PAPLN: variants seen among roughly 807,000 people sequenced by gnomAD.
PAPLN encodes papilin.
A neutral mutation model predicts 159.0 loss-of-function variants in PAPLN; 146 were observed. The observed-to-expected ratio is 0.92, with a 90% CI of 0.80 to 1.05. PAPLN has a LOEUF of 1.05. Ranked by LOEUF, PAPLN falls within the 50% of genes least tolerant of loss-of-function variation. PAPLN has a pLI of 0.00. For synonymous variants in PAPLN, 734 were observed against 702.9 expected, an observed-to-expected ratio of 1.04 and a Z score of -0.70; for missense variants, 1,720 against 1,743.9, an observed-to-expected ratio of 0.99 and a Z score of 0.24.
At position 73,259,006 on chromosome 14, in the gene PAPLN, C is replaced by A. The variant is rs769880356; in HGVS notation, c.1655C>A (p.Thr552Asn). 1 of 1,612,742 alleles carries A rather than the reference C, an allele frequency of 6.2e-7. No homozygotes were observed. The highest frequency in any genetic ancestry group is 1.1e-5 in the South Asian group (1 of 90,884). The part of the protein sequence containing the change: ...QEVPSMQDVH[T>N]PASNPWMPLG... ...GTCCCCAGCATGCAGGATGTGCACA[C>A]CCCTGCCAGCAACCCCTGGATGCCG... is the stretch of plus-strand genomic sequence containing the variant. Residue 552 changes from threonine (T) to asparagine (N), a missense_variant, in exon 15 of 27, where the codon ACC (threonine) becomes AAC (asparagine). By Grantham distance (65) the Thr-to-Asn change is moderately conservative. Transcript: ENST00000644200.
Position 73,259,359 on chromosome 14 carries a change from G to A in PAPLN, c.1799G>A (p.Gly600Asp), listed in dbSNP as rs373353961. ...CGAGGTGACCCCAGGGGCGACCAAG[G>A]CACCCACCTGTCAGCCCTGGGCCCC... is the stretch of plus-strand genomic sequence containing the variant. ...GERGDPRGDQGTHLSALGPAP... is the reference protein window; with the variant it reads ...GERGDPRGDQDTHLSALGPAP... Residue 600 changes from glycine (G) to aspartate (D), a missense_variant, in exon 16 of 27, where the codon GGC becomes GAC. Coordinates refer to ENST00000644200, the MANE Select transcript of PAPLN (RefSeq NM_001365906.3). 1.9e-6 allele frequency: 3 copies of A among 1,611,826 alleles called. No individual in the cohort carries two copies. In the African/African-American group the frequency reaches 4.0e-5, roughly 22 times the overall value.
intron 25 of PAPLN, among the ~76,000 whole-genome samples, chr14:73,267,078 G>C (rs995782757): frequency 2.0e-5 from 3 of 152,172 alleles, no homozygotes; most frequent in African/African-American, 4.8e-5. Context: ...TTTGGAGCTG[G>C]TAAGTTTTGG....
At position 73,245,311 on chromosome 14, in the gene PAPLN, C is replaced by T; in HGVS notation, c.171-325C>T. ...CCTTATACTGATGTCCTGCTTAGAT[C>T]GCAGGATGGCTGTGCCAAGCGGGTG... is the stretch of plus-strand genomic sequence containing the variant. On this transcript the variant is annotated intron_variant, in intron 3 of 26. Transcript: ENST00000644200. The surrounding 1 kb of genome is among the most constrained non-coding windows in gnomAD (Gnocchi z 4.2). 2.8e-6 allele frequency: 1 copy of T among 355,014 alleles called. No homozygotes were observed. Among genetic ancestry groups the T allele is most frequent in the Non-Finnish European group, 5.3e-6 (1 of 189,210 alleles). The allele number at this position is 355,014 out of a possible 1,614,324, so 22.0% of individuals were successfully genotyped here. A position where few individuals can be genotyped will look rare whatever the true frequency, so the allele number is the denominator to read the frequency against.
intron 2 of PAPLN, among the ~76,000 whole-genome samples, chr14:73,241,052 C>T (rs544687451): frequency 3.9e-5 from 6 of 152,156 alleles, no homozygotes; most frequent in Non-Finnish European, 5.9e-5. Context: ...TGGGCGGAGG[C>T]TGAGCAGGAC....
At chr14:73,256,532 CAAAAA>C (rs57667060) in intron 14 of PAPLN, among the ~76,000 whole-genome samples, 2 of 92,754 alleles carry the variant, frequency 2.2e-5, no homozygotes, top group Non-Finnish European at 4.2e-5. Context: ...GACTCTGTCT[CAAAAA>C]AAAAAAAAAA....
chr14:73,263,896 C>T, intron 20 of PAPLN, 114 bp downstream of exon 20: 1 of 1,279,806 alleles, frequency 7.8e-7, no homozygotes, highest in Non-Finnish European at 1.1e-6. Flanking sequence ...AGACCCCCTC[C>T]TCCTTTGACA....
chr14:73,245,972 G>A lies in PAPLN; in HGVS notation c.232-101G>A. The A allele has an allele frequency of 9.7e-6, 12 of 1,236,210 alleles. No homozygotes were observed. The highest frequency in any genetic ancestry group is 1.3e-5 in the Non-Finnish European group (12 of 918,066). The allele number at this position is 1,236,210 out of a possible 1,614,324, so 76.6% of individuals were successfully genotyped here. A position where few individuals can be genotyped will look rare whatever the true frequency, so the allele number is the denominator to read the frequency against. On this transcript the variant is annotated intron_variant, in intron 4 of 26. Transcript: ENST00000644200. This position sits in a 1 kb window ranked among gnomAD's most constrained non-coding sequence, Gnocchi z 4.2. ...CACCTCCGGCGGCTCCGATGGGGCA[G>A]GCAAGGGAGACTCCTGGGCTCCCTG...
At position 73,272,961 on chromosome 14, in the gene PAPLN, C is replaced by A. The variant is rs1384529434; in HGVS notation, c.*297C>A. On this transcript the variant is annotated 3_prime_UTR_variant, in exon 27 of 27. Coordinates refer to ENST00000644200, the MANE Select transcript of PAPLN (RefSeq NM_001365906.3). Reference sequence around the variant, plus strand: ...TACAGCTTCCCTTTATAATTTGTTACACAGGAATAGTTAAATGCATTTGTT... The same window carrying A: ...TACAGCTTCCCTTTATAATTTGTTAAACAGGAATAGTTAAATGCATTTGTT... 5 of 258,402 alleles carry A rather than the reference C, an allele frequency of 1.9e-5. No individual in the cohort carries two copies. Among genetic ancestry groups the A allele is most frequent in the South Asian group, 3.2e-4 (2 of 6,198 alleles). 16.0% of individuals were successfully genotyped at this position (258,402 alleles called of 1,614,324 possible).
chr14:73,273,973 C>G lies in PAPLN; in HGVS notation c.*1309C>G, dbSNP rs1056254457. On this transcript the variant is annotated 3_prime_UTR_variant, in exon 27 of 27. Coordinates refer to ENST00000644200, the MANE Select transcript of PAPLN (RefSeq NM_001365906.3). ...TTGGACCTTGAAGCCCTCCTGAGGC[C>G]AACATGCAAATCTGGCTGTGACGGT... 6 of 152,172 alleles carry G rather than the reference C, an allele frequency of 3.9e-5. No individual in the cohort carries two copies. The highest frequency in any genetic ancestry group is 3.3e-4 in the Admixed American group (5 of 15,268). The allele number at this position is 152,172 out of a possible 1,614,324, so 9.4% of individuals were successfully genotyped here. A position where few individuals can be genotyped will look rare whatever the true frequency, so the allele number is the denominator to read the frequency against.
intron 19 of PAPLN, chr14:73,263,280 G>A (rs1002492986): frequency 8.0e-5 from 30 of 374,952 alleles, no homozygotes; most frequent in East Asian, 2.3e-4. Flanking sequence ...GATTTGGGAA[G>A]GTTAAAAACA....
Position 73,259,651 on chromosome 14 carries a change from A to C in PAPLN, c.1985+106A>C, listed in dbSNP as rs555479266. On this transcript the variant is annotated intron_variant, in intron 16 of 26. Coordinates refer to ENST00000644200, the MANE Select transcript of PAPLN (RefSeq NM_001365906.3). ...CAGAAGAGGGCTGGGGTGGGTGTGCAGAGCTCAGGAATAGGATGCCCAAGC... is the reference window on the plus strand; with the variant it reads ...CAGAAGAGGGCTGGGGTGGGTGTGCCGAGCTCAGGAATAGGATGCCCAAGC... 5.2e-6 allele frequency: 7 copies of C among 1,338,198 alleles called. No individual in the cohort carries two copies. In the East Asian group the frequency reaches 1.7e-4, roughly 33 times the overall value. The allele number at this position is 1,338,198 out of a possible 1,614,324, so 82.9% of individuals were successfully genotyped here. A position where few individuals can be genotyped will look rare whatever the true frequency, so the allele number is the denominator to read the frequency against.
chr14:73,260,129 A>G (rs1400532805), intron 16 of PAPLN, among the ~76,000 whole-genome samples: 1 of 152,138 alleles, frequency 6.6e-6, no homozygotes, highest in Non-Finnish European at 1.5e-5. Flanking sequence ...GTGCTGGGTG[A>G]CTTGGGCCAC....
At position 73,268,730 on chromosome 14, in the gene PAPLN, A is replaced by T; in HGVS notation, c.3667+7A>T. 2 of 1,606,192 alleles carry T rather than the reference A, an allele frequency of 1.2e-6. No individual in the cohort carries two copies. The highest frequency in any genetic ancestry group is 1.7e-6 in the Non-Finnish European group (2 of 1,176,178). ...GTGAAGGTGGTCTCACCAGGTAGGA[A>T]AGGTCTATATCCGGGGATGGGAAGG... is the stretch of plus-strand genomic sequence containing the variant. On this transcript the variant is annotated splice_region_variant and intron_variant, in intron 26 of 26. Coordinates refer to ENST00000644200, the MANE Select transcript of PAPLN (RefSeq NM_001365906.3).
chr14:73,259,173 G>A (rs1886268706), intron 15 of PAPLN, 96 bp from the exon 16 acceptor site: 1 of 1,521,122 alleles, frequency 6.6e-7, no homozygotes, highest in Non-Finnish European at 8.9e-7. Flanking sequence ...AAGGGAGAAT[G>A]GTCCAGGGGA....
In PAPLN at chr14:73,254,683, C is replaced by T. The variant is rs1455640736; in HGVS notation, c.1473C>T (p.Gly491=). Residue 491 remains glycine (G), a synonymous_variant, in exon 13 of 27, where the codon GGC becomes GGT. Coordinates refer to ENST00000644200, the MANE Select transcript of PAPLN (RefSeq NM_001365906.3). The part of the protein sequence containing the change: ...PLLSDQAWHV[G]TWGLCSKSCS... ...TCAGTGACCAGGCCTGGCATGTTGG[C>T]ACCTGGGGTCTAGTGAGTGCTCTCC... 3 of 1,613,706 alleles carry T rather than the reference C, an allele frequency of 1.9e-6. No individual in the cohort carries two copies.
rs759265588 is a variant in PAPLN, at chr14:73,259,518, G to C, written c.1958G>C (p.Cys653Ser). 2 of 1,589,186 alleles carry C rather than the reference G, an allele frequency of 1.3e-6. No individual in the cohort carries two copies. Residue 653 changes from cysteine to serine, a missense_variant, in exon 16 of 27, where the codon TGC becomes TCC. Physicochemically the swap from Cys to Ser is moderately radical, Grantham distance 112. Transcript: ENST00000644200. ...TASLGPQWQGCPGAPCQQSRY... is the reference protein window; with the variant it reads ...TASLGPQWQGSPGAPCQQSRY... The stretch of plus-strand genomic sequence containing the variant: ...TCTCTCGGGCCTCAGTGGCAAGGCT[G>C]CCCTGGGGCCCCCTGTCAGCAGAGC...
rs1350863103 is a variant in PAPLN at position 73,273,679 on chromosome 14, T to A, written c.*1015T>A. The A allele has an allele frequency of 2.0e-5, 3 of 152,166 alleles. No homozygotes were observed. The highest frequency in any genetic ancestry group is 2.9e-5 in the Non-Finnish European group (2 of 68,034). The allele number at this position is 152,166 out of a possible 1,614,324, so 9.4% of individuals were successfully genotyped here. Reference sequence around the variant, plus strand: ...GTAATGATTTCAAAGTTAACACCTGTTTGTTTTCTAAAGGGCATGCCAAGT... The same window carrying A: ...GTAATGATTTCAAAGTTAACACCTGATTGTTTTCTAAAGGGCATGCCAAGT... On this transcript the variant is annotated 3_prime_UTR_variant, in exon 27 of 27. Coordinates refer to ENST00000644200, the MANE Select transcript of PAPLN (RefSeq NM_001365906.3).
At position 73,265,743 on chromosome 14, in the gene PAPLN, G is replaced by A. The variant is rs181403574; in HGVS notation, c.3263+236G>A. ...GACAGAAATAAGAGGCCAGCTAACA[G>A]AGGTGATGACGGAAGAAGAAAATGG... is the stretch of plus-strand genomic sequence containing the variant. On this transcript the variant is annotated intron_variant, in intron 23 of 26. Coordinates refer to ENST00000644200, the MANE Select transcript of PAPLN (RefSeq NM_001365906.3). The surrounding 1 kb of genome is among the most constrained non-coding windows in gnomAD (Gnocchi z 4.1). 3.9e-4 allele frequency among the ~76,000 whole-genome samples: 59 copies of A among 152,340 alleles called. 1 individual carries two copies. In the East Asian group the frequency reaches 0.011, roughly 27 times the overall value.
intron 19 of PAPLN, 120 bp from the exon 20 acceptor site, chr14:73,263,525 G>C (rs1937460640): frequency 6.0e-6 from 8 of 1,343,334 alleles, no homozygotes; most frequent in Middle Eastern, 1.9e-4. Context: ...GGACCCTCTA[G>C]CCCCAAAAGT....
Sources: gnomAD v4.1 joint callset for allele counts (sites outside exome capture counted in the v4.1 genomes callset) on GRCh38, gnomAD v4.1.1 for gene constraint, Gnocchi (gnomAD v3.1) non-coding constraint, MANE v1.5 for transcripts, NCBI Gene and HGNC (gene_info 2026-07-23, HGNC 2026-07-21) for gene names.